PHF10: variants seen among roughly 807,000 people sequenced by gnomAD.
PHF10 encodes the protein PHD finger protein 10.
PHF10 carries 51 observed loss-of-function variants against 68.5 expected under a neutral mutation model. The ratio of observed to expected loss-of-function variants is 0.74; its 90% CI spans 0.59 to 0.94. The LOEUF is 0.94. Among genes scored for constraint, PHF10 ranks in the 40% least tolerant of loss-of-function variants. PHF10 has a pLI of 0.00. For synonymous variants in PHF10, 204 were observed against 203.5 expected (o/e 1.00, Z -0.02); for missense variants, 460 against 602.6 (o/e 0.76, Z 2.48).
intron 9 of PHF10, chr6:169,709,084 AG>A (rs2128329305): frequency 6.6e-6 from 1 of 152,288 alleles, no homozygotes; most frequent in African/African-American, 2.4e-5. Flanking sequence ...AAAAAAAAAA[AG>A]AATTTTTAAG....
chr6:169,714,371 G>A (rs1180408970), intron 7 of PHF10, among the ~76,000 whole-genome samples: 3 of 152,184 alleles, frequency 2.0e-5, no homozygotes, highest in African/African-American at 7.2e-5. Flanking sequence ...CAGACTCTGA[G>A]TCATAGGTCT....
chr6:169,706,980 G>A (rs759733090), intron 9 of PHF10: 40 of 151,994 alleles, frequency 2.6e-4, no homozygotes, highest in Admixed American at 1.7e-3. Context: ...TTGTTCTTAA[G>A]TTTTGTACTT....
intron 9 of PHF10, 133 bp downstream of exon 9, chr6:169,710,102 CA>C: frequency 1.7e-6 from 1 of 579,922 alleles, no homozygotes; most frequent in Non-Finnish European, 2.9e-6. Context: ...AAGCAGCGGA[CA>C]AAGGGCACAC....
In PHF10 at chr6:169,717,853, T is replaced by G; in HGVS notation, c.379A>C (p.Asn127His). 1 of 1,563,170 alleles carries G rather than the reference T, an allele frequency of 6.4e-7. No homozygotes were observed. Among genetic ancestry groups the G allele is most frequent in the Non-Finnish European group, 8.8e-7 (1 of 1,139,566 alleles). Residue 127 changes from asparagine to histidine, a missense_variant, in exon 4 of 12, where the codon AAT becomes CAT. Transcript: ENST00000339209. ...HKEKLYLRELNVITETQCTLG... is the reference protein window; with the variant it reads ...HKEKLYLRELHVITETQCTLG... ...GTGCACTGAGTTTCAGTAATGACAT[T>G]TAGCTCTCTCAGGTAGAGTTTCTCC... is the stretch of plus-strand genomic sequence containing the variant.
chr6:169,717,901 C>T lies in PHF10; in HGVS notation c.331G>A (p.Glu111Lys). ...TCCTTGTGAGACAAATCTCGTCGCTCTAAATCTCCAAAAAAAAGATCAAAA... is the reference window on the plus strand; with the variant it reads ...TCCTTGTGAGACAAATCTCGTCGCTTTAAATCTCCAAAAAAAAGATCAAAA... Reference protein sequence around the residue: ...TSFKRKYPDLERRDLSHKEKL... With the variant: ...TSFKRKYPDLKRRDLSHKEKL... The change falls in exon 4 of 12, where the codon GAG (glutamate) becomes AAG (lysine). Residue 111 changes from glutamate to lysine, a missense_variant. By Grantham distance (56) the Glu-to-Lys change is moderately conservative. Coordinates refer to ENST00000339209, the MANE Select transcript of PHF10 (RefSeq NM_018288.4). 6.6e-7 allele frequency: 1 copy of T among 1,522,540 alleles called. No individual in the cohort carries two copies. The highest frequency in any genetic ancestry group is 9.0e-7 in the Non-Finnish European group (1 of 1,107,494). The allele number at this position is 1,522,540 out of a possible 1,614,324, so 94.3% of individuals were successfully genotyped here.
At chr6:169,716,665 A>G (rs1271234543) in intron 4 of PHF10, among the ~76,000 whole-genome samples, 1 of 152,212 alleles carries the variant, frequency 6.6e-6, no homozygotes, top group African/African-American at 2.4e-5. Flanking sequence ...GATTACAAAT[A>G]AAGCACGGAC....
intron 1 of PHF10, among the ~76,000 whole-genome samples, chr6:169,723,215 G>A (rs2128331929): frequency 6.6e-6 from 1 of 152,236 alleles, no homozygotes; most frequent in South Asian, 2.1e-4. Flanking sequence ...CCAACTTTCT[G>A]TCACAAACTG....
intron 1 of PHF10, 76 bp from the exon 2 acceptor site, chr6:169,721,187 T>C: frequency 1.2e-6 from 1 of 836,082 alleles, no homozygotes; most frequent in Non-Finnish European, 1.9e-6. Context: ...AATGAAAGAC[T>C]GTCTAAGGAC....
At chr6:169,716,595 G>A (rs1386306038) in intron 4 of PHF10, among the ~76,000 whole-genome samples, 3 of 151,990 alleles carry the variant, frequency 2.0e-5, no homozygotes, top group African/African-American at 7.3e-5. Flanking sequence ...TTGCTAAAAT[G>A]CATTCCCAAG....
In PHF10 at chr6:169,704,102, T is replaced by C; in HGVS notation, c.1412-14A>G. The C allele has an allele frequency of 6.4e-7, 1 of 1,569,628 alleles. No homozygotes were observed. ...AAATCCAGCGACCTAGGAAAAAAATTGTTAATATAGAATGAAAAATTATCT... is the reference window on the plus strand; with the variant it reads ...AAATCCAGCGACCTAGGAAAAAAATCGTTAATATAGAATGAAAAATTATCT... On this transcript the variant is annotated splice_polypyrimidine_tract_variant and intron_variant, in intron 11 of 11. Transcript: ENST00000339209.
chr6:169,704,589 G>T, intron 11 of PHF10: 1 of 169,816 alleles, frequency 5.9e-6, no homozygotes, highest in African/African-American at 2.4e-5. Context: ...CTTGCTTAAT[G>T]ATTCCCAGGA....
At chr6:169,708,374 G>A (rs1438818586) in intron 9 of PHF10, 1 of 152,096 alleles carries the variant, frequency 6.6e-6, no homozygotes, top group African/African-American at 2.4e-5. Flanking sequence ...ATCTTATTAA[G>A]CAAAGCATCA....
intron 7 of PHF10, 139 bp from the exon 8 acceptor site, chr6:169,712,678 T>C (rs766935759): frequency 1.6e-6 from 1 of 612,344 alleles, no homozygotes; most frequent in Non-Finnish European, 2.7e-6. Flanking sequence ...TTTTTCATTT[T>C]TGTCATCAAG....
chr6:169,709,557 T>C (rs1421037939), intron 9 of PHF10: 1 of 152,140 alleles, frequency 6.6e-6, no homozygotes, highest in Non-Finnish European at 1.5e-5. Flanking sequence ...GGAGGAAAAG[T>C]TCAAAATATA....
Position 169,704,260 on chromosome 6 carries a change from A to G in PHF10, c.1412-172T>C, listed in dbSNP as rs970286288. 31 of 544,738 alleles carry G rather than the reference A, an allele frequency of 5.7e-5. No homozygotes were observed. In the Admixed American group the frequency reaches 1.1e-3, roughly 19 times the overall value. The allele number at this position is 544,738 out of a possible 1,614,324, so 33.7% of individuals were successfully genotyped here. A position where few individuals can be genotyped will look rare whatever the true frequency, so the allele number is the denominator to read the frequency against. ...TAAGGAAAAAATGTAAACTTAATCA[A>G]TGTAATCAATGCCATGCAAAATTCA... On this transcript the variant is annotated intron_variant, in intron 11 of 11. Transcript: ENST00000339209.
Position 169,705,295 on chromosome 6 carries a change from T to G in PHF10, c.1249A>C (p.Met417Leu). The G allele has an allele frequency of 6.2e-7, 1 of 1,612,224 alleles. No individual in the cohort carries two copies. Among genetic ancestry groups the G allele is most frequent in the Non-Finnish European group, 8.5e-7 (1 of 1,179,086 alleles). ...GTCTTAATCATAGAAACAAGCTCCA[T>G]TGTCATATCCAGGCAAGAAGGATGG... ...SGHPSCLDMT[M>L]ELVSMIKTYP... Residue 417 changes from methionine (M) to leucine (L), a missense_variant, in exon 11 of 12, where the codon ATG becomes CTG. Transcript: ENST00000339209.
chr6:169,718,268 A>G (rs977089720), intron 3 of PHF10, among the ~76,000 whole-genome samples: 14 of 152,278 alleles, frequency 9.2e-5, no homozygotes, highest in African/African-American at 3.4e-4. Context: ...ATTTTTTCTA[A>G]AATTTTCCTC....
At chr6:169,712,344 A>G (rs890497944) in intron 8 of PHF10, 42 bp downstream of exon 8, 34 of 1,567,706 alleles carry the variant, frequency 2.2e-5, no homozygotes, top group Non-Finnish European at 2.9e-5. Context: ...CAAAAATTCA[A>G]AGAGAAAGGA....
At chr6:169,714,243 G>A (rs1788992724) in intron 7 of PHF10, among the ~76,000 whole-genome samples, 1 of 152,180 alleles carries the variant, frequency 6.6e-6, no homozygotes, top group South Asian at 2.1e-4. Context: ...ATGTGGCTGG[G>A]GCACCCAGTT....
Sources: allele counts gnomAD v4.1 joint callset (sites outside exome capture counted in the v4.1 genomes callset), GRCh38; gene constraint gnomAD v4.1.1; transcripts MANE v1.5; gene names NCBI Gene and HGNC (gene_info 2026-07-23, HGNC 2026-07-21).